Variants in PTPRD observed in about 807,000 individuals in gnomAD.
PTPRD encodes receptor-type tyrosine-protein phosphatase delta.
A neutral mutation model predicts 214.5 loss-of-function variants in PTPRD; 34 were observed. That is an observed-to-expected ratio of 0.16 (90% CI 0.12 to 0.21). The LOEUF is 0.21. PTPRD is among the 10% of genes least tolerant of loss of function. The pLI is 1.00. For missense variants in PTPRD, 2,545 were observed against 2,398.7 expected, an observed-to-expected ratio of 1.06 and a Z score of -1.27; for synonymous variants, 1,128 against 845.7, an observed-to-expected ratio of 1.33 and a Z score of -5.79.
intron 30 of PTPRD, among the ~76,000 whole-genome samples, chr9:8,473,743 G>C (rs1235200390): frequency 2.0e-5 from 3 of 151,896 alleles, no homozygotes; most frequent in Non-Finnish European, 4.4e-5. Flanking sequence ...TTTTACTTGT[G>C]GCTGGGATAA....
At chr9:9,532,202 C>T (rs2075631447) in intron 8 of PTPRD, among the ~76,000 whole-genome samples, 1 of 152,032 alleles carries the variant, frequency 6.6e-6, no homozygotes, top group Admixed American at 6.6e-5. Context: ...GGGTAAAGAA[C>T]TCTTATTTGT....
chr9:9,060,237 T>G (rs1363729223), intron 10 of PTPRD, among the ~76,000 whole-genome samples: 10 of 152,112 alleles, frequency 6.6e-5, no homozygotes, highest in Admixed American at 6.6e-4. Flanking sequence ...CAGAGGCCAG[T>G]AGGAGACCCA....
chr9:8,430,128 G>A (rs552195534), intron 35 of PTPRD, among the ~76,000 whole-genome samples: 33 of 152,280 alleles, frequency 2.2e-4, no homozygotes, highest in African/African-American at 7.2e-4. Context: ...GAATGTACCT[G>A]AAGTAGAGTA....
At chr9:10,531,782 T>C (rs537106586) in intron 2 of PTPRD, among the ~76,000 whole-genome samples, 1 of 152,178 alleles carries the variant, frequency 6.6e-6, no homozygotes, top group Non-Finnish European at 1.5e-5. Flanking sequence ...ACAAACACAA[T>C]TGTAGCTTTG....
At chr9:8,505,961 T>C (rs890054041) in intron 22 of PTPRD, among the ~76,000 whole-genome samples, 26 of 152,226 alleles carry the variant, frequency 1.7e-4, no homozygotes, top group African/African-American at 5.1e-4. Flanking sequence ...AGTTGTACCA[T>C]GAAAACTTTA....
At chr9:8,441,705 T>A (rs1161471945) in intron 34 of PTPRD, among the ~76,000 whole-genome samples, 2 of 152,092 alleles carry the variant, frequency 1.3e-5, no homozygotes, top group African/African-American at 4.8e-5. Context: ...GCATGGTTCA[T>A]CCCCTATGGG....
chr9:8,829,753 G>A (rs926477185), intron 11 of PTPRD, among the ~76,000 whole-genome samples: 2 of 152,120 alleles, frequency 1.3e-5, no homozygotes, highest in Non-Finnish European at 2.9e-5. Context: ...CATAGAATCA[G>A]CTGACTGGGG....
intron 3 of PTPRD, among the ~76,000 whole-genome samples, chr9:10,138,970 C>T (rs187033278): frequency 6.6e-6 from 1 of 151,924 alleles, no homozygotes; most frequent in Non-Finnish European, 1.5e-5. Flanking sequence ...GCAACCACCC[C>T]CCTTGAGAAC....
chr9:8,763,525 G>A (rs1390355241), intron 11 of PTPRD, among the ~76,000 whole-genome samples: 1 of 151,128 alleles, frequency 6.6e-6, no homozygotes, highest in Non-Finnish European at 1.5e-5. Flanking sequence ...AAAAATAAAG[G>A]CAATAATTAT....
chr9:8,707,020 G>T lies in PTPRD; in HGVS notation c.64+26760C>A, dbSNP rs142278601. Among the ~76,000 whole-genome samples, 539 of 152,252 alleles carry T rather than the reference G, an allele frequency of 3.5e-3. 6 individuals are homozygous for T. Among genetic ancestry groups the T allele is most frequent in the African/African-American group, 0.012 (496 of 41,538 alleles). On this transcript the variant is annotated intron_variant, in intron 12 of 45. Transcript: ENST00000381196. ...TTTTACTATTTTATTACTTCCTTTAGCAGGGATCAGCTCCAATCAATTAAT... is the reference window on the plus strand; with the variant it reads ...TTTTACTATTTTATTACTTCCTTTATCAGGGATCAGCTCCAATCAATTAAT...
chr9:10,065,282 C>T (rs189274784), intron 3 of PTPRD, among the ~76,000 whole-genome samples: 4 of 151,956 alleles, frequency 2.6e-5, no homozygotes, highest in East Asian at 3.9e-4. Flanking sequence ...AGGTAGTTGG[C>T]GCAGAGTTGC....
chr9:10,586,802 A>G (rs2074029373), intron 2 of PTPRD, among the ~76,000 whole-genome samples: 1 of 135,876 alleles, frequency 7.4e-6, no homozygotes, highest in East Asian at 2.1e-4. Context: ...TTTTTTTTTT[A>G]CCATGCTTCT....
intron 39 of PTPRD, among the ~76,000 whole-genome samples, chr9:8,359,506 A>G (rs1381506031): frequency 6.6e-6 from 1 of 151,986 alleles, no homozygotes; most frequent in Non-Finnish European, 1.5e-5. Context: ...TATAAATTTT[A>G]TAGTTTTAGT....
chr9:9,747,020 C>A (rs915831292), intron 6 of PTPRD, among the ~76,000 whole-genome samples: 1 of 152,074 alleles, frequency 6.6e-6, no homozygotes, highest in Non-Finnish European at 1.5e-5. Context: ...TTCACCTGAG[C>A]CTCCTAGAAA....
chr9:10,605,211 T>C (rs2078982641), intron 2 of PTPRD, among the ~76,000 whole-genome samples: 1 of 151,836 alleles, frequency 6.6e-6, no homozygotes, highest in Non-Finnish European at 1.5e-5. Context: ...ATTTCCTCAT[T>C]TTTCTCTGTC....
chr9:9,838,398 G>A (rs1290428342), intron 5 of PTPRD, among the ~76,000 whole-genome samples: 2 of 151,910 alleles, frequency 1.3e-5, no homozygotes, highest in African/African-American at 2.4e-5. Context: ...GTGTAAAAGT[G>A]TTCCTATTTC....
chr9:10,398,925 G>C (rs549323112), intron 2 of PTPRD, among the ~76,000 whole-genome samples: 2 of 151,976 alleles, frequency 1.3e-5, no homozygotes, highest in East Asian at 3.9e-4. Context: ...GAGGCTTTAG[G>C]CTATTTGAGC....
intron 34 of PTPRD, among the ~76,000 whole-genome samples, chr9:8,444,819 A>T (rs550742272): frequency 6.6e-6 from 1 of 152,334 alleles, no homozygotes; most frequent in Non-Finnish European, 1.5e-5. Flanking sequence ...TTATAAAAGA[A>T]AGAAAGAGAA....
chr9:8,846,660 A>G (rs1036997932), intron 11 of PTPRD, among the ~76,000 whole-genome samples: 1 of 152,166 alleles, frequency 6.6e-6, no homozygotes, highest in African/African-American at 2.4e-5. Flanking sequence ...AAATTACAGT[A>G]GAAAGAGTCA....
Sources: allele counts gnomAD v4.1 joint callset (sites outside exome capture counted in the v4.1 genomes callset), GRCh38; gene constraint gnomAD v4.1.1; transcripts MANE v1.5; gene names NCBI Gene and HGNC (gene_info 2026-07-23, HGNC 2026-07-21).